The following USP35 variants were observed in gnomAD, a reference collection of about 807,000 sequenced individuals.
USP35 encodes ubiquitin carboxyl-terminal hydrolase 35.
Under a neutral mutation model 83.8 loss-of-function variants are expected in USP35, and 69 were observed. That is an observed-to-expected ratio of 0.82 (90% CI 0.68 to 1.01). The LOEUF (loss-of-function observed/expected upper bound fraction) is 1.01. Ranked by LOEUF, USP35 falls within the 50% of genes least tolerant of loss-of-function variation. The probability of loss-of-function intolerance (pLI) is 0.00; values close to 1 mark genes in which losing one functional copy is unlikely to be tolerated. For missense variants in USP35, 1,503 were observed against 1,362.5 expected (o/e 1.10, Z -1.62); for synonymous variants, 714 against 589.5 (o/e 1.21, Z -3.06).
At chr11:78,224,576 C>G in the USP35 span, among the ~76,000 whole-genome samples, 1 of 152,242 alleles carries the variant, frequency 6.6e-6, no homozygotes, top group African/African-American at 2.4e-5. Flanking sequence ...TAAGCTGCTT[C>G]TGCCTTGGTT....
the USP35 span, among the ~76,000 whole-genome samples, chr11:78,224,877 T>C: frequency 6.6e-6 from 1 of 152,090 alleles, no homozygotes; most frequent in African/African-American, 2.4e-5. Context: ...ACAAGGTTGG[T>C]GAACCTTGTA....
In USP35 at chr11:78,200,776, G is replaced by T. The variant is rs1863330337; in HGVS notation, c.1165G>T (p.Asp389Tyr). Reference protein sequence around the residue: ...CMVFRFPGFPDLYEPVMEAIK... With the variant: ...CMVFRFPGFPYLYEPVMEAIK... ...GGTGTTCCGGTTCCCGGGCTTCCCG[G>T]ATCTGTATGAGCCTGTCATGGAGGC... The change falls in exon 6 of 11, where the codon GAT (aspartate) becomes TAT (tyrosine). Residue 389 changes from aspartate (D) to tyrosine (Y), a missense_variant. Transcript: ENST00000529308. The T allele has an allele frequency of 6.2e-7, 1 of 1,613,878 alleles. No individual in the cohort carries two copies. The highest frequency in any genetic ancestry group is 8.5e-7 in the Non-Finnish European group (1 of 1,179,838).
intron 1 of USP35, among the ~76,000 whole-genome samples, chr11:78,189,670 T>A (rs1417849340): frequency 6.6e-6 from 1 of 151,632 alleles, no homozygotes; most frequent in East Asian, 1.9e-4. Context: ...TGGGGTGGAG[T>A]GCGGCCCTCA....
In USP35 at chr11:78,209,514, T is replaced by G; in HGVS notation, c.1659T>G (p.Ser553=). 1 of 1,614,034 alleles carries G rather than the reference T, an allele frequency of 6.2e-7. No individual in the cohort carries two copies. The highest frequency in any genetic ancestry group is 8.5e-7 in the Non-Finnish European group (1 of 1,179,992). ...AACTCAAGCAGTCCAGCTCGCCCTC[T>G]CCGCCCGAGGAGCCCCCGGCCCCAA... is the stretch of plus-strand genomic sequence containing the variant. ...CQKLKQSSSP[S]PPEEPPAPSS... Residue 553 remains serine (S), a synonymous_variant, in exon 10 of 11, where the codon TCT becomes TCG. Coordinates refer to ENST00000529308, the MANE Select transcript of USP35 (RefSeq NM_020798.4).
chr11:78,195,448 GAA>G (rs1419049787), intron 1 of USP35, among the ~76,000 whole-genome samples: 5 of 152,172 alleles, frequency 3.3e-5, no homozygotes, highest in African/African-American at 9.7e-5. Flanking sequence ...GAGGCAGAAA[GAA>G]AGAGTGCGAG....
the USP35 span, among the ~76,000 whole-genome samples, chr11:78,234,533 T>TC: frequency 6.6e-6 from 1 of 150,426 alleles, no homozygotes; most frequent in Non-Finnish European, 1.5e-5. Flanking sequence ...AACAGGTTTT[T>TC]CCTTTCTCCA....
At chr11:78,205,010 C>T (rs146218628) in intron 6 of USP35, among the ~76,000 whole-genome samples, 1 of 152,314 alleles carries the variant, frequency 6.6e-6, no homozygotes, top group East Asian at 1.9e-4. Context: ...AAGAACAGGG[C>T]TAGAAGAACT....
At position 78,210,421 on chromosome 11, in the gene USP35, G is replaced by C. The variant is rs1484687853; in HGVS notation, c.2566G>C (p.Val856Leu). Reference sequence around the variant, plus strand: ...CTGCAGTGTGGTGGTGCACTCTGGAGTGTCTTCGGAGAGTGGTCACTACTA... The same window carrying C: ...CTGCAGTGTGGTGGTGCACTCTGGACTGTCTTCGGAGAGTGGTCACTACTA... ...DLCSVVVHSGVSSESGHYYCY... is the reference protein window; with the variant it reads ...DLCSVVVHSGLSSESGHYYCY... Residue 856 changes from valine to leucine, a missense_variant, in exon 10 of 11, where the codon GTG (valine) becomes CTG (leucine). Physicochemically the swap from Val to Leu is conservative, Grantham distance 32. Coordinates refer to ENST00000529308, the MANE Select transcript of USP35 (RefSeq NM_020798.4). 4.3e-6 allele frequency: 7 copies of C among 1,614,088 alleles called. No homozygotes were observed. Among genetic ancestry groups the C allele is most frequent in the South Asian group, 1.1e-5 (1 of 91,092 alleles).
chr11:78,222,516 A>G, the USP35 span, among the ~76,000 whole-genome samples: 1 of 148,420 alleles, frequency 6.7e-6, no homozygotes, highest in South Asian at 2.1e-4. Context: ...AAAAGACTAT[A>G]TATAAAATAT....
chr11:78,192,508 T>G (rs1863035244), intron 1 of USP35, among the ~76,000 whole-genome samples: 1 of 152,228 alleles, frequency 6.6e-6, no homozygotes, highest in Admixed American at 6.5e-5. Flanking sequence ...TTTGTCTGAG[T>G]GCATGCAAGA....
chr11:78,211,326 G>A (rs1463782724), intron 10 of USP35, among the ~76,000 whole-genome samples: 1 of 152,110 alleles, frequency 6.6e-6, no homozygotes, highest in Non-Finnish European at 1.5e-5. Context: ...GTGTATATGT[G>A]CCACATTTTC....
intron 8 of USP35, 95 bp from the exon 9 acceptor site, chr11:78,208,762 A>C (rs1204708592): frequency 7.3e-7 from 1 of 1,363,994 alleles, no homozygotes; most frequent in Non-Finnish European, 1.0e-6. Context: ...TTTGAGGCCG[A>C]GGGAATGAGG....
intron 7 of USP35, among the ~76,000 whole-genome samples, chr11:78,207,033 C>T (rs1210273576): frequency 6.6e-6 from 1 of 152,218 alleles, no homozygotes; most frequent in Admixed American, 6.5e-5. Context: ...GGGGCAGGGG[C>T]CAGGGCCCTG....
chr11:78,201,394 A>G (rs1352014418), intron 6 of USP35, among the ~76,000 whole-genome samples: 1 of 152,254 alleles, frequency 6.6e-6, no homozygotes, highest in African/African-American at 2.4e-5. Context: ...GGGCATGGGC[A>G]TGAAGCAAAC....
chr11:78,196,867 G>A lies in USP35; in HGVS notation c.622G>A (p.Ala208Thr), dbSNP rs767694587. The A allele has an allele frequency of 2.7e-6, 4 of 1,486,064 alleles. No individual in the cohort carries two copies. The highest frequency in any genetic ancestry group is 1.3e-5 in the South Asian group (1 of 77,982). The allele number at this position is 1,486,064 out of a possible 1,614,324, so 92.1% of individuals were successfully genotyped here. A position where few individuals can be genotyped will look rare whatever the true frequency, so the allele number is the denominator to read the frequency against. ...LLAQLWRAQP[A>T]AILPCLKELF... is the part of the protein sequence containing the mutation. ...GGCGCAGCTGTGGCGCGCACAGCCCGCCGCCATCCTGCCCTGCCTCAAAGA... is the reference window on the plus strand; with the variant it reads ...GGCGCAGCTGTGGCGCGCACAGCCCACCGCCATCCTGCCCTGCCTCAAAGA... The change falls in exon 2 of 11, where the codon GCC (alanine) becomes ACC (threonine). Residue 208 changes from alanine to threonine, a missense_variant. By Grantham distance (58) the Ala-to-Thr change is moderately conservative. Coordinates refer to ENST00000529308, the MANE Select transcript of USP35 (RefSeq NM_020798.4). The surrounding 1 kb of genome is among the most constrained non-coding windows in gnomAD (Gnocchi z 4.8).
Position 78,196,358 on chromosome 11 carries a change from G to C in USP35, c.113G>C (p.Cys38Ser). ...CGGCAGCCGCTGGAGCGTGAGCAGTGCCTGGCGCTGCTGGCGCTGGGCGCG... is the reference window on the plus strand; with the variant it reads ...CGGCAGCCGCTGGAGCGTGAGCAGTCCCTGGCGCTGCTGGCGCTGGGCGCG... ...AARQPLEREQ[C>S]LALLALGARL... is the part of the protein sequence containing the mutation. The change falls in exon 2 of 11, where the codon TGC (cysteine) becomes TCC (serine). Residue 38 changes from cysteine (C) to serine (S), a missense_variant. Transcript: ENST00000529308. This position sits in a 1 kb window ranked among gnomAD's most constrained non-coding sequence, Gnocchi z 4.8. The C allele has an allele frequency of 1.3e-6, 2 of 1,543,238 alleles. No homozygotes were observed. The highest frequency in any genetic ancestry group is 1.4e-5 in the African/African-American group (1 of 70,046).
intron 8 of USP35, 51 bp downstream of exon 8, chr11:78,207,674 C>G: frequency 6.4e-7 from 1 of 1,565,992 alleles, no homozygotes. Context: ...CTGGTCAGGC[C>G]CCGACATGGA....
chr11:78,213,525 CTCTGTG>C (rs1863890222), intron 10 of USP35, 115 bp from the exon 11 acceptor site: 1 of 1,181,742 alleles, frequency 8.5e-7, no homozygotes, highest in South Asian at 2.4e-5. Flanking sequence ...GCTGCAATGT[CTCTGTG>C]TGTCCAGGCC....
In USP35 at chr11:78,196,564, G is replaced by A. The variant is rs756083407; in HGVS notation, c.319G>A (p.Gly107Ser). Residue 107 changes from glycine to serine, a missense_variant, in exon 2 of 11, where the codon GGT becomes AGT. By Grantham distance (56) the Gly-to-Ser change is moderately conservative. Transcript: ENST00000529308. The surrounding 1 kb of genome is among the most constrained non-coding windows in gnomAD (Gnocchi z 4.8). ...GPRALACVQL[G>S]LQLLPEGPAA... ...CCGCGCGCTCGCCTGCGTGCAGCTG[G>A]GTCTGCAGCTGCTGCCCGAGGGGCC... The A allele has an allele frequency of 1.0e-5, 13 of 1,241,810 alleles. No homozygotes were observed. The South Asian group carries it at 1.8e-4, about 17-fold the overall frequency. 76.9% of individuals were successfully genotyped at this position (1,241,810 alleles called of 1,614,324 possible). A position where few individuals can be genotyped will look rare whatever the true frequency, so the allele number is the denominator to read the frequency against.
Sources: gnomAD v4.1 joint callset for allele counts (sites outside exome capture counted in the v4.1 genomes callset) on GRCh38, gnomAD v4.1.1 for gene constraint, Gnocchi (gnomAD v3.1) non-coding constraint, MANE v1.5 for transcripts, NCBI Gene and HGNC (gene_info 2026-07-23, HGNC 2026-07-21) for gene names.